MSRA: variants seen among roughly 807,000 people sequenced by gnomAD.
MSRA encodes the protein mitochondrial peptide methionine sulfoxide reductase.
In MSRA, 54 loss-of-function variants were observed where a neutral mutation model predicts 31.3. The ratio of observed to expected loss-of-function variants is 1.73; its 90% CI spans 1.39 to 2.17. The LOEUF is 2.17. Ranked by LOEUF, MSRA falls within the 30% of genes most tolerant of loss-of-function variation. The pLI, the probability that MSRA is intolerant of heterozygous loss-of-function variation, is 0.00. For missense variants in MSRA, 507 were observed against 300.9 expected, an observed-to-expected ratio of 1.69 and a Z score of -5.07; for synonymous variants, 169 against 116.5, an observed-to-expected ratio of 1.45 and a Z score of -2.90.
chr8:10,196,882 C>G (rs1187285722), intron 1 of MSRA, among the ~76,000 whole-genome samples: 2 of 152,002 alleles, frequency 1.3e-5, no homozygotes, highest in African/African-American at 2.4e-5. Context: ...AGGACAGTAC[C>G]TTTATAAACA....
chr8:10,382,266 C>G (rs541670292), intron 5 of MSRA, among the ~76,000 whole-genome samples: 1 of 152,326 alleles, frequency 6.6e-6, no homozygotes, highest in Admixed American at 6.5e-5. Flanking sequence ...AGCCCAGGAG[C>G]CTTCAGGCTT....
intron 1 of MSRA, among the ~76,000 whole-genome samples, chr8:10,133,235 T>C (rs1802029207): frequency 6.6e-6 from 1 of 152,180 alleles, no homozygotes; most frequent in Non-Finnish European, 1.5e-5. Flanking sequence ...TGCTGTTGGT[T>C]GAACATTAGT....
chr8:10,093,099 A>G (rs528145153), intron 1 of MSRA, among the ~76,000 whole-genome samples: 2 of 152,262 alleles, frequency 1.3e-5, no homozygotes, highest in East Asian at 3.9e-4. Flanking sequence ...TCTTTTGTAG[A>G]CAGCATATAG....
At chr8:10,199,268 G>A (rs1466793467) in intron 1 of MSRA, among the ~76,000 whole-genome samples, 1 of 152,130 alleles carries the variant, frequency 6.6e-6, no homozygotes, top group African/African-American at 2.4e-5. Flanking sequence ...GGGAATAGGG[G>A]GCATGGTAGG....
At chr8:10,210,300 A>G (rs1809364855) in intron 2 of MSRA, among the ~76,000 whole-genome samples, 1 of 152,150 alleles carries the variant, frequency 6.6e-6, no homozygotes, top group Non-Finnish European at 1.5e-5. Context: ...TTTGAGCCCA[A>G]GTCTAATTGA....
At chr8:10,258,804 C>T (rs1276968703) in intron 3 of MSRA, among the ~76,000 whole-genome samples, 2 of 152,144 alleles carry the variant, frequency 1.3e-5, no homozygotes, top group Non-Finnish European at 2.9e-5. Context: ...TATCTAAGAC[C>T]TTTTTAAGAA....
chr8:10,428,805 G>A lies in MSRA; in HGVS notation c.*493G>A, dbSNP rs1366945194. 1 of 160,028 alleles carries A rather than the reference G, an allele frequency of 6.2e-6. No homozygotes were observed. Among genetic ancestry groups the A allele is most frequent in the Admixed American group, 6.5e-5 (1 of 15,472 alleles). The allele number at this position is 160,028 out of a possible 1,614,324, so 9.9% of individuals were successfully genotyped here. A position where few individuals can be genotyped will look rare whatever the true frequency, so the allele number is the denominator to read the frequency against. ...AGCCCTCTCTGTGCAGAGAAAAGATGTGAGTCCGCTTGATGAATTCTAATG... is the reference window on the plus strand; with the variant it reads ...AGCCCTCTCTGTGCAGAGAAAAGATATGAGTCCGCTTGATGAATTCTAATG... On this transcript the variant is annotated 3_prime_UTR_variant, in exon 6 of 6. Transcript: ENST00000317173.
chr8:10,332,400 C>T (rs917769267), intron 5 of MSRA, among the ~76,000 whole-genome samples: 50 of 151,838 alleles, frequency 3.3e-4, no homozygotes, highest in African/African-American at 1.2e-3. Flanking sequence ...TTAAAATGCC[C>T]ATGGAAAAAC....
chr8:10,415,911 A>C (rs1329881101), intron 5 of MSRA, among the ~76,000 whole-genome samples: 1 of 151,932 alleles, frequency 6.6e-6, no homozygotes, highest in Non-Finnish European at 1.5e-5. Flanking sequence ...CCATGCCCTC[A>C]AAGGACTGTT....
intron 1 of MSRA, among the ~76,000 whole-genome samples, chr8:10,106,091 C>A (rs1200930733): frequency 1.3e-5 from 2 of 152,248 alleles, no homozygotes; most frequent in Non-Finnish European, 2.9e-5. Flanking sequence ...CACTGCGTGT[C>A]TGCTGATGGT....
chr8:10,250,339 C>T (rs1797849957), intron 3 of MSRA: 4 of 685,286 alleles, frequency 5.8e-6, no homozygotes, highest in Non-Finnish European at 1.1e-5. Flanking sequence ...AGTGCATTAG[C>T]CTAATATACA....
In MSRA at chr8:10,422,109, A is replaced by G. The variant is rs905511569; in HGVS notation, c.544-6039A>G. On this transcript the variant is annotated intron_variant, in intron 5 of 5. Transcript: ENST00000317173. ...CAGCGTGGACAACATATAGGGAGAC[A>G]CTGTCTCTATAAAAAAATTAAAATT... Among the ~76,000 whole-genome samples, 5 of 152,276 alleles carry G rather than the reference A, an allele frequency of 3.3e-5. No homozygotes were observed. In the East Asian group the frequency reaches 7.7e-4, roughly 24 times the overall value.
chr8:10,316,385 G>A (rs546998777), intron 4 of MSRA, among the ~76,000 whole-genome samples: 8 of 152,182 alleles, frequency 5.3e-5, no homozygotes, highest in Non-Finnish European at 1.2e-4. Context: ...GGGAGTGTCA[G>A]TTTCACCTTG....
intron 5 of MSRA, among the ~76,000 whole-genome samples, chr8:10,371,599 C>A (rs1433082241): frequency 1.3e-5 from 2 of 152,130 alleles, no homozygotes; most frequent in Non-Finnish European, 2.9e-5. Flanking sequence ...GTGTTTGGAT[C>A]CCTTAGCATG....
At chr8:10,413,118 T>A (rs1445205419) in intron 5 of MSRA, among the ~76,000 whole-genome samples, 2 of 152,190 alleles carry the variant, frequency 1.3e-5, no homozygotes, top group Non-Finnish European at 2.9e-5. Flanking sequence ...GGAATGCGTA[T>A]GCCCAGGAAG....
At chr8:10,071,964 T>C (rs1228448944) in intron 1 of MSRA, among the ~76,000 whole-genome samples, 1 of 152,122 alleles carries the variant, frequency 6.6e-6, no homozygotes, top group African/African-American at 2.4e-5. Flanking sequence ...ATGGGTCCCC[T>C]GTGTCCAGGG....
In MSRA at chr8:10,428,502, T is replaced by C; in HGVS notation, c.*190T>C. On this transcript the variant is annotated 3_prime_UTR_variant, in exon 6 of 6. Coordinates refer to ENST00000317173, the MANE Select transcript of MSRA (RefSeq NM_012331.5). The stretch of plus-strand genomic sequence containing the variant: ...AGTTGATAAAATGTGACTTATCTCC[T>C]AATAAGTTATGGTGGGAGTGGAGCT... 1 of 597,406 alleles carries C rather than the reference T, an allele frequency of 1.7e-6. No homozygotes were observed. Among genetic ancestry groups the C allele is most frequent in the Non-Finnish European group, 2.9e-6 (1 of 348,020 alleles). The allele number at this position is 597,406 out of a possible 1,614,324, so 37.0% of individuals were successfully genotyped here.
intron 1 of MSRA, among the ~76,000 whole-genome samples, chr8:10,196,676 A>C (rs1393235777): frequency 6.6e-6 from 1 of 151,836 alleles, no homozygotes; most frequent in Non-Finnish European, 1.5e-5. Flanking sequence ...CACCCTCCCG[A>C]GTAGCTGGAA....
At chr8:10,418,158 C>G (rs1218130510) in intron 5 of MSRA, among the ~76,000 whole-genome samples, 3 of 152,106 alleles carry the variant, frequency 2.0e-5, no homozygotes, top group Non-Finnish European at 1.5e-5. Flanking sequence ...ATACGTTTTA[C>G]AAATAATTAC....
Sources: gnomAD v4.1 joint callset for allele counts (sites outside exome capture counted in the v4.1 genomes callset) on GRCh38, gnomAD v4.1.1 for gene constraint, MANE v1.5 for transcripts, NCBI Gene and HGNC (gene_info 2026-07-23, HGNC 2026-07-21) for gene names.